LINGO2: variants seen among roughly 807,000 people sequenced by gnomAD.
LINGO2 encodes the protein leucine-rich repeat and immunoglobulin-like domain-containing nogo receptor-interacting protein 2.
LINGO2 carries 14 observed loss-of-function variants against 30.6 expected under a neutral mutation model. The observed-to-expected ratio is 0.46, with a 90% CI of 0.30 to 0.72. The LOEUF is 0.72. Among genes scored for constraint, LINGO2 ranks in the 30% least tolerant of loss-of-function variants. The probability of loss-of-function intolerance (pLI) is 0.07; values close to 1 mark genes in which losing one functional copy is unlikely to be tolerated. For synonymous variants in LINGO2, 317 were observed against 288.5 expected, an observed-to-expected ratio of 1.10 and a Z score of -1.00; for missense variants, 729 against 751.7, an observed-to-expected ratio of 0.97 and a Z score of 0.35.
chr9:28,379,760 T>C (rs538098337), intron 2 of LINGO2, among the ~76,000 whole-genome samples: 16 of 152,218 alleles, frequency 1.1e-4, no homozygotes, highest in African/African-American at 3.4e-4. Context: ...TAGTTGAAGA[T>C]ACCACATTTT....
At chr9:29,077,231 T>C in the LINGO2 span, among the ~76,000 whole-genome samples, 1 of 151,774 alleles carries the variant, frequency 6.6e-6, no homozygotes, top group East Asian at 1.9e-4. Context: ...GATAATAAAT[T>C]GACTTCATGA....
At chr9:28,501,697 A>AC (rs1352594421) in intron 1 of LINGO2, among the ~76,000 whole-genome samples, 21 of 152,254 alleles carry the variant, frequency 1.4e-4, no homozygotes, top group African/African-American at 4.8e-4. Flanking sequence ...ACACACACAC[A>AC]CCCCTACATA....
the LINGO2 span, among the ~76,000 whole-genome samples, chr9:28,702,524 G>C: frequency 3.3e-5 from 5 of 151,752 alleles, no homozygotes; most frequent in Admixed American, 1.3e-4. Context: ...ATAAATTGCT[G>C]TATTCAATTT....
intron 4 of LINGO2, among the ~76,000 whole-genome samples, chr9:28,190,912 C>A (rs1281950413): frequency 6.6e-6 from 1 of 152,164 alleles, no homozygotes; most frequent in Non-Finnish European, 1.5e-5. Flanking sequence ...ATATACCAGA[C>A]AGATGTCAGC....
chr9:29,164,612 G>T, the LINGO2 span, among the ~76,000 whole-genome samples: 1 of 151,868 alleles, frequency 6.6e-6, no homozygotes, highest in African/African-American at 2.4e-5. Context: ...TAATAAAAAC[G>T]TAATTACGCA....
chr9:28,610,895 A>AT (rs1180340287), intron 1 of LINGO2, among the ~76,000 whole-genome samples: 1 of 152,088 alleles, frequency 6.6e-6, no homozygotes, highest in Non-Finnish European at 1.5e-5. Context: ...CTAACATTTT[A>AT]TTTTTTCCTT....
intron 1 of LINGO2, among the ~76,000 whole-genome samples, chr9:28,626,819 AATTC>A (rs1433110163): frequency 7.1e-6 from 1 of 141,818 alleles, no homozygotes. Context: ...CAGCTCTAAA[AATTC>A]TATTGTGTGT....
chr9:28,925,979 C>A, the LINGO2 span, among the ~76,000 whole-genome samples: 2 of 152,148 alleles, frequency 1.3e-5, no homozygotes, highest in African/African-American at 4.8e-5. Context: ...TGAGGAAATT[C>A]TCTGCAGTGT....
chr9:28,236,733 G>A (rs968129982), intron 4 of LINGO2, among the ~76,000 whole-genome samples: 3 of 152,072 alleles, frequency 2.0e-5, no homozygotes, highest in Admixed American at 6.6e-5. Flanking sequence ...ACCAAAGGCC[G>A]GGAAGGGTAG....
intron 3 of LINGO2, among the ~76,000 whole-genome samples, chr9:28,364,175 A>G (rs1161768805): frequency 1.3e-5 from 2 of 152,176 alleles, no homozygotes; most frequent in Non-Finnish European, 2.9e-5. Context: ...CCTTCTGCAG[A>G]TGATTCTTTA....
the LINGO2 span, among the ~76,000 whole-genome samples, chr9:29,090,984 T>C: frequency 6.6e-6 from 1 of 152,100 alleles, no homozygotes; most frequent in Non-Finnish European, 1.5e-5. Flanking sequence ...CAGTTATTTA[T>C]ATTTCTCTCC....
chr9:28,777,829 C>G, the LINGO2 span, among the ~76,000 whole-genome samples: 1 of 152,192 alleles, frequency 6.6e-6, no homozygotes, highest in Non-Finnish European at 1.5e-5. Context: ...AAGCAAGGGA[C>G]TTCCACAAAT....
intron 4 of LINGO2, among the ~76,000 whole-genome samples, chr9:28,191,680 A>C (rs563326612): frequency 6.6e-6 from 1 of 152,116 alleles, no homozygotes; most frequent in Non-Finnish European, 1.5e-5. Flanking sequence ...TGTAAATGTC[A>C]TCAGTAACCT....
intron 1 of LINGO2, among the ~76,000 whole-genome samples, chr9:28,602,283 T>A (rs139851664): frequency 3.9e-5 from 6 of 152,090 alleles, no homozygotes; most frequent in Non-Finnish European, 8.8e-5. Context: ...ATATACCCCA[T>A]GTTGCAGGAG....
At chr9:28,650,884 A>G (rs1238118944) in intron 1 of LINGO2, among the ~76,000 whole-genome samples, 2 of 152,218 alleles carry the variant, frequency 1.3e-5, no homozygotes, top group African/African-American at 4.8e-5. Context: ...AGGTATTACT[A>G]ATATGTGATA....
the LINGO2 span, among the ~76,000 whole-genome samples, chr9:28,866,837 G>A: frequency 6.6e-6 from 1 of 152,146 alleles, no homozygotes. Flanking sequence ...GTTTATTAGA[G>A]GACAGACGTC....
the LINGO2 span, among the ~76,000 whole-genome samples, chr9:29,064,617 G>A: frequency 6.6e-6 from 1 of 151,944 alleles, no homozygotes; most frequent in East Asian, 1.9e-4. Context: ...AGACCACACT[G>A]AAGTAGAAAG....
chr9:28,045,170 CA>C lies in LINGO2; in HGVS notation c.-86-32766del, dbSNP rs879488356. ...CGGTCCATTCCCACCACTACCCCTC[CA>C]AAAAAAACCCACACACACACAAACT... On this transcript the variant is annotated intron_variant, in intron 4 of 5. Transcript: ENST00000379992. Among the ~76,000 whole-genome samples the C allele has an allele frequency of 4.2e-3, 635 of 151,544 alleles. 10 individuals carry two copies. Among genetic ancestry groups the C allele is most frequent in the Non-Finnish European group, 3.9e-3 (264 of 67,834 alleles).
At chr9:29,056,126 TACTC>T in the LINGO2 span, among the ~76,000 whole-genome samples, 1 of 152,036 alleles carries the variant, frequency 6.6e-6, no homozygotes, top group African/African-American at 2.4e-5. Flanking sequence ...TCTGGGTAGA[TACTC>T]AGGAGTGGGA....
Sources: allele counts gnomAD v4.1 joint callset (sites outside exome capture counted in the v4.1 genomes callset), GRCh38; gene constraint gnomAD v4.1.1; transcripts MANE v1.5; gene names NCBI Gene and HGNC (gene_info 2026-07-23, HGNC 2026-07-21).